PDSS2: variants seen among roughly 807,000 people sequenced by gnomAD.
PDSS2 encodes all trans-polyprenyl-diphosphate synthase PDSS2.
A neutral mutation model predicts 44.5 loss-of-function variants in PDSS2; 31 were observed. The observed-to-expected ratio is 0.70, with a 90% CI of 0.52 to 0.94. The LOEUF (loss-of-function observed/expected upper bound fraction) is 0.94, where lower values mean the gene tolerates loss of function less well. Among genes scored for constraint, PDSS2 ranks in the 40% least tolerant of loss-of-function variants. PDSS2 has a pLI of 0.00. For missense variants in PDSS2, 452 were observed against 482.2 expected (o/e 0.94, Z 0.59); for synonymous variants, 157 against 180.3 (o/e 0.87, Z 1.03).
intron 4 of PDSS2, 25 bp from the exon 5 acceptor site, chr6:107,212,307 TAAA>T: frequency 6.4e-7 from 1 of 1,563,684 alleles, no homozygotes; most frequent in South Asian, 1.1e-5. Context: ...AAAGCCAAGA[TAAA>T]AAAGACTTTA....
intron 7 of PDSS2, among the ~76,000 whole-genome samples, chr6:107,186,556 G>A (rs762871173): frequency 2.6e-5 from 4 of 151,992 alleles, no homozygotes; most frequent in Non-Finnish European, 4.4e-5. Context: ...GTATACATGT[G>A]CCATGGTGGT....
rs1486627617 is a variant in PDSS2 at position 107,249,119 on chromosome 6, A to C, written c.631-3500T>G. The stretch of plus-strand genomic sequence containing the variant: ...TCAGGCTTAACTGCCAAGTTGCATC[A>C]AACAAATAATGGTACTAAGTTGGCC... On this transcript the variant is annotated intron_variant, in intron 3 of 7. Transcript: ENST00000369037. 3.3e-5 allele frequency among the ~76,000 whole-genome samples: 5 copies of C among 152,316 alleles called. No individual in the cohort carries two copies. In the East Asian group the frequency reaches 7.7e-4, roughly 23 times the overall value.
chr6:107,304,622 T>C (rs1268563037), intron 2 of PDSS2, among the ~76,000 whole-genome samples: 1 of 152,220 alleles, frequency 6.6e-6, no homozygotes, highest in Non-Finnish European at 1.5e-5. Context: ...AGCACATGTG[T>C]CAAAGTGTCA....
chr6:107,311,228 C>T (rs2216085), intron 2 of PDSS2, among the ~76,000 whole-genome samples: 39,194 of 143,124 alleles, frequency 0.27, 6,711 homozygotes, highest in Middle Eastern at 0.52. Flanking sequence ...CAGGGTCTTG[C>T]TCTGTCACTC....
At chr6:107,326,296 G>T (rs1777544108) in intron 2 of PDSS2, among the ~76,000 whole-genome samples, 1 of 151,438 alleles carries the variant, frequency 6.6e-6, no homozygotes, top group African/African-American at 2.4e-5. Context: ...TTTTAGTAGA[G>T]ACGGGATTTT....
At chr6:107,156,196 CT>C (rs11447270) in intron 7 of PDSS2, among the ~76,000 whole-genome samples, 143 of 117,948 alleles carry the variant, frequency 1.2e-3, no homozygotes, top group South Asian at 2.9e-3. Flanking sequence ...GGCCTGAATG[CT>C]TTTTTTTTTT....
At chr6:107,347,588 G>A (rs1346507380) in intron 1 of PDSS2, among the ~76,000 whole-genome samples, 1 of 152,156 alleles carries the variant, frequency 6.6e-6, no homozygotes, top group African/African-American at 2.4e-5. Flanking sequence ...TTTTAGGGAA[G>A]GAGGAGCTTA....
chr6:107,371,387 T>G (rs1470663105), intron 1 of PDSS2, among the ~76,000 whole-genome samples: 1 of 152,178 alleles, frequency 6.6e-6, no homozygotes, highest in African/African-American at 2.4e-5. Flanking sequence ...TAGATTTTCA[T>G]TCTAACTCCC....
At chr6:107,279,272 C>G (rs1353260854) in intron 2 of PDSS2, among the ~76,000 whole-genome samples, 5 of 151,990 alleles carry the variant, frequency 3.3e-5, no homozygotes, top group Non-Finnish European at 7.4e-5. Flanking sequence ...AATAGTAGAT[C>G]GTTGGGGAGG....
intron 1 of PDSS2, among the ~76,000 whole-genome samples, chr6:107,432,160 T>C (rs1781211741): frequency 6.6e-6 from 1 of 152,178 alleles, no homozygotes; most frequent in East Asian, 1.9e-4. Context: ...GAATAATATC[T>C]AGCAGGAATT....
intron 1 of PDSS2, among the ~76,000 whole-genome samples, chr6:107,436,781 C>T (rs1412396693): frequency 6.6e-6 from 1 of 152,092 alleles, no homozygotes; most frequent in East Asian, 1.9e-4. Flanking sequence ...ATGCTAATTA[C>T]CCTGATCTGA....
chr6:107,435,848 G>A (rs1284580427), intron 1 of PDSS2, among the ~76,000 whole-genome samples: 1 of 151,828 alleles, frequency 6.6e-6, no homozygotes, highest in Non-Finnish European at 1.5e-5. Context: ...AAAAATCTTT[G>A]AAGCAAATGA....
chr6:107,299,146 C>CAAAAAAAAAAAAA (rs71991148), intron 2 of PDSS2, among the ~76,000 whole-genome samples: 3 of 53,474 alleles, frequency 5.6e-5, no homozygotes, highest in East Asian at 1.1e-3. Flanking sequence ...GACCCTGTCT[C>CAAAAAAAAAAAAA]AAAAAAAAAA....
At chr6:107,163,671 C>A (rs1050677152) in intron 7 of PDSS2, among the ~76,000 whole-genome samples, 2 of 151,024 alleles carry the variant, frequency 1.3e-5, no homozygotes, top group Non-Finnish European at 2.9e-5. Context: ...GGCATGGTTT[C>A]GGCTCACTGA....
At chr6:107,237,757 G>A (rs987956718) in intron 4 of PDSS2, among the ~76,000 whole-genome samples, 7 of 151,526 alleles carry the variant, frequency 4.6e-5, no homozygotes, top group Middle Eastern at 3.4e-3. Flanking sequence ...AATACAAGGC[G>A]CTGTGGTGCA....
rs566982267 is a variant in PDSS2, at chr6:107,191,851, G to A, written c.1041+1971C>T. On this transcript the variant is annotated intron_variant, in intron 7 of 7. Transcript: ENST00000369037. ...GGTCTTGAACTTCTGGGCTCAAGTG[G>A]TCCTCCCACCTCAGCCTCTCAAAAT... is the stretch of plus-strand genomic sequence containing the variant. Among the ~76,000 whole-genome samples the A allele has an allele frequency of 9.9e-5, 15 of 152,132 alleles. No individual in the cohort carries two copies. The East Asian group carries it at 1.9e-3, about 20-fold the overall frequency.
chr6:107,169,029 G>A (rs533140782), intron 7 of PDSS2, among the ~76,000 whole-genome samples: 8 of 152,218 alleles, frequency 5.3e-5, no homozygotes, highest in East Asian at 1.9e-4. Context: ...GGCCTGCCTC[G>A]CTAGGTTGGG....
In PDSS2 at chr6:107,235,170, C is replaced by T. The variant is rs371539547; in HGVS notation, c.702+10378G>A. The stretch of plus-strand genomic sequence containing the variant: ...GGTGAACCTGGATGTCTAGAGAAGC[C>T]GAAGGGGTTAATTAGGGGCTAGGGT... On this transcript the variant is annotated intron_variant, in intron 4 of 7. Transcript: ENST00000369037. Among the ~76,000 whole-genome samples, 3 of 152,030 alleles carry T rather than the reference C, an allele frequency of 2.0e-5. No individual in the cohort carries two copies. The East Asian group carries it at 5.8e-4, about 29-fold the overall frequency.
chr6:107,353,175 G>T (rs973503271), intron 1 of PDSS2, among the ~76,000 whole-genome samples: 3 of 151,794 alleles, frequency 2.0e-5, no homozygotes, highest in African/African-American at 4.8e-5. Flanking sequence ...GAAAAAAAAA[G>T]ATTTTTTAAA....
Sources: gnomAD v4.1 joint callset for allele counts (sites outside exome capture counted in the v4.1 genomes callset) on GRCh38, gnomAD v4.1.1 for gene constraint, MANE v1.5 for transcripts, NCBI Gene and HGNC (gene_info 2026-07-23, HGNC 2026-07-21) for gene names.